The following GPATCH2L variants were observed in gnomAD, a reference collection of about 807,000 sequenced individuals.
GPATCH2L encodes G patch domain-containing protein 2-like.
GPATCH2L carries 31 observed loss-of-function variants against 57.4 expected under a neutral mutation model. The ratio of observed to expected loss-of-function variants is 0.54; its 90% CI spans 0.41 to 0.73. The LOEUF is 0.73. GPATCH2L is among the 30% of genes least tolerant of loss of function. The pLI is 0.00. For synonymous variants in GPATCH2L, 199 were observed against 210.7 expected, an observed-to-expected ratio of 0.94 and a Z score of 0.48; for missense variants, 481 against 599.9, an observed-to-expected ratio of 0.80 and a Z score of 2.07.
At chr14:76,215,055 A>C (rs902069803), downstream of GPATCH2L, among the ~76,000 whole-genome samples, 3 of 152,164 alleles carry the variant, frequency 2.0e-5, no homozygotes, top group African/African-American at 7.2e-5. Context: ...AAAAACAAAC[A>C]AAAAAACCAA....
Position 76,176,639 on chromosome 14 carries a change from C to G in GPATCH2L, c.1001C>G (p.Thr334Ser). The G allele has an allele frequency of 6.2e-7, 1 of 1,610,372 alleles. No homozygotes were observed. Among genetic ancestry groups the G allele is most frequent in the Non-Finnish European group, 8.5e-7 (1 of 1,176,558 alleles). The change falls in exon 6 of 10, where the codon ACT (threonine) becomes AGT (serine). Residue 334 changes from threonine (T) to serine (S), a missense_variant. Coordinates refer to ENST00000261530, the MANE Select transcript of GPATCH2L (RefSeq NM_017926.4). The stretch of plus-strand genomic sequence containing the variant: ...TCTTTTTAGGAGACCAGCATAAACA[C>G]TTTGGGGACTGAGAGGATAAGCCAT... ...RLVGKETSIN[T>S]LGTERISHII... is the part of the protein sequence containing the mutation.
chr14:76,166,638 C>T, intron 2 of GPATCH2L, 25 bp from the exon 3 acceptor site: 1 of 1,552,396 alleles, frequency 6.4e-7, no homozygotes, highest in Non-Finnish European at 8.9e-7. Flanking sequence ...CTGATGAGTT[C>T]TCTTGTGTTT....
At chr14:76,162,122 T>G (rs2038616677) in intron 2 of GPATCH2L, among the ~76,000 whole-genome samples, 1 of 59,934 alleles carries the variant, frequency 1.7e-5, no homozygotes, top group Non-Finnish European at 5.0e-5. Context: ...GCTGGATGGT[T>G]CTGGTTCAGT....
rs567298661 is a variant in GPATCH2L at position 76,211,705 on chromosome 14, A to C, written c.*9854A>C. The C allele has an allele frequency of 2.6e-5, 4 of 152,250 alleles. No homozygotes were observed. The South Asian group carries it at 6.2e-4, about 24-fold the overall frequency. 9.4% of individuals were successfully genotyped at this position (152,250 alleles called of 1,614,324 possible). A position where few individuals can be genotyped will look rare whatever the true frequency, so the allele number is the denominator to read the frequency against. On this transcript the variant is annotated 3_prime_UTR_variant, in exon 10 of 10. Coordinates refer to ENST00000261530, the MANE Select transcript of GPATCH2L (RefSeq NM_017926.4). ...TGATCTATTTACACCTTTTGGACTG[A>C]ACACCTTAGCAATCATTGATATTTT...
chr14:76,201,660 G>A, intron 9 of GPATCH2L, 31 bp from the exon 10 acceptor site: 2 of 1,526,234 alleles, frequency 1.3e-6, no homozygotes, highest in Non-Finnish European at 1.8e-6. Context: ...TCCCCTTGAT[G>A]TTTTGCTCCT....
At chr14:76,185,812 A>T (rs1378201881) in intron 8 of GPATCH2L, among the ~76,000 whole-genome samples, 3 of 152,136 alleles carry the variant, frequency 2.0e-5, no homozygotes, top group Non-Finnish European at 4.4e-5. Context: ...CAAATGTTAT[A>T]CGTGTTTCTT....
intron 9 of GPATCH2L, among the ~76,000 whole-genome samples, chr14:76,198,237 G>A (rs1391361724): frequency 3.3e-5 from 5 of 152,186 alleles, no homozygotes; most frequent in African/African-American, 1.2e-4. Flanking sequence ...TAGTGAGCAA[G>A]CATGCTAACC....
intron 7 of GPATCH2L, chr14:76,178,316 G>A: frequency 2.3e-6 from 3 of 1,308,982 alleles, no homozygotes; most frequent in South Asian, 2.6e-5. Context: ...AACGTATGGA[G>A]CAGAAGGTAG....
chr14:76,235,435 C>T (rs1306917771), intron 2 of GPATCH2L, among the ~76,000 whole-genome samples: 2 of 152,198 alleles, frequency 1.3e-5, no homozygotes, highest in African/African-American at 2.4e-5. Flanking sequence ...TGGACAAGCT[C>T]TCTTGCCTGC....
In GPATCH2L at chr14:76,180,272, A is replaced by C. The variant is rs534953107; in HGVS notation, c.1108-492A>C. ...TGTAATTTTTAACACCCAGTATCTC[A>C]GTGGTAGATTGGAACTAAAAGGTGT... On this transcript the variant is annotated intron_variant, in intron 7 of 9. Coordinates refer to ENST00000261530, the MANE Select transcript of GPATCH2L (RefSeq NM_017926.4). Among the ~76,000 whole-genome samples the C allele has an allele frequency of 2.0e-5, 3 of 152,284 alleles. No individual in the cohort carries two copies. In the South Asian group the frequency reaches 6.2e-4, roughly 32 times the overall value.
At chr14:76,164,469 T>C (rs1305882935) in intron 2 of GPATCH2L, among the ~76,000 whole-genome samples, 1 of 152,212 alleles carries the variant, frequency 6.6e-6, no homozygotes, top group African/African-American at 2.4e-5. Context: ...AAATTGTGTC[T>C]AGTTGAGAAC....
intron 8 of GPATCH2L, among the ~76,000 whole-genome samples, chr14:76,182,127 G>A (rs1000035171): frequency 4.6e-5 from 7 of 152,116 alleles, no homozygotes; most frequent in Non-Finnish European, 1.0e-4. Flanking sequence ...GGAGGCCGAG[G>A]TGGGCGGATC....
chr14:76,197,260 C>CTT (rs2040182098), intron 9 of GPATCH2L, among the ~76,000 whole-genome samples: 1 of 152,164 alleles, frequency 6.6e-6, no homozygotes, highest in Non-Finnish European at 1.5e-5. Context: ...GATCCTCATT[C>CTT]AGTCTATGGT....
At chr14:76,185,773 G>T (rs2039743005) in intron 8 of GPATCH2L, among the ~76,000 whole-genome samples, 1 of 152,072 alleles carries the variant, frequency 6.6e-6, no homozygotes, top group Admixed American at 6.6e-5. Context: ...TTTAGTTGTG[G>T]TAAGGATGGC....
intron 2 of GPATCH2L, among the ~76,000 whole-genome samples, chr14:76,165,140 C>T (rs992148147): frequency 3.3e-5 from 5 of 152,130 alleles, no homozygotes; most frequent in African/African-American, 1.2e-4. Flanking sequence ...TTAGGTAATA[C>T]AGTTGGAGGC....
chr14:76,152,561 T>A (rs2038100983), intron 1 of GPATCH2L: 1 of 431,784 alleles, frequency 2.3e-6, no homozygotes, highest in African/African-American at 2.0e-5. Context: ...TGTGCGTGAC[T>A]CAGCCTCATC....
At chr14:76,217,999 C>T (rs1208908282), downstream of GPATCH2L, among the ~76,000 whole-genome samples, 1 of 152,086 alleles carries the variant, frequency 6.6e-6, no homozygotes, top group African/African-American at 2.4e-5. Context: ...GACTAATTTA[C>T]CATGGCTAAA....
intron 9 of GPATCH2L, among the ~76,000 whole-genome samples, chr14:76,198,139 A>C (rs1055499261): frequency 7.2e-5 from 11 of 152,118 alleles, no homozygotes; most frequent in African/African-American, 2.2e-4. Flanking sequence ...AAAGTGTAGC[A>C]CCTTTATTTT....
At position 76,211,806 on chromosome 14, in the gene GPATCH2L, T is replaced by A. The variant is rs1337855271; in HGVS notation, c.*9955T>A. On this transcript the variant is annotated 3_prime_UTR_variant, in exon 10 of 10. Transcript: ENST00000261530. ...AAGTTCTGATCCCATGATTTTGGTC[T>A]CATTAATACCGTGCTATAAATAAAG... is the stretch of plus-strand genomic sequence containing the variant. The A allele has an allele frequency of 6.6e-6, 1 of 152,214 alleles. No homozygotes were observed. The highest frequency in any genetic ancestry group is 1.5e-5 in the Non-Finnish European group (1 of 68,036). 9.4% of individuals were successfully genotyped at this position (152,214 alleles called of 1,614,324 possible).
Sources: gnomAD v4.1 joint callset for allele counts (sites outside exome capture counted in the v4.1 genomes callset) on GRCh38, gnomAD v4.1.1 for gene constraint, MANE v1.5 for transcripts, NCBI Gene and HGNC (gene_info 2026-07-23, HGNC 2026-07-21) for gene names.